The following YTHDF3 variants were observed in gnomAD, a reference collection of about 807,000 sequenced individuals.
YTHDF3 encodes YTH domain-containing family protein 3.
Under a neutral mutation model 52.5 loss-of-function variants are expected in YTHDF3, and 9 were observed. The ratio of observed to expected loss-of-function variants is 0.17; its 90% confidence interval spans 0.10 to 0.30. YTHDF3 has a LOEUF of 0.30. Among genes scored for constraint, YTHDF3 ranks in the 10% least tolerant of loss-of-function variants. YTHDF3 has a pLI of 1.00. For synonymous variants in YTHDF3, 274 were observed against 243.3 expected (o/e 1.13, Z -1.18); for missense variants, 534 against 715.0 (o/e 0.75, Z 2.89).
intron 4 of YTHDF3, among the ~76,000 whole-genome samples, chr8:63,195,334 G>A (rs1049862451): frequency 1.3e-5 from 2 of 152,168 alleles, no homozygotes; most frequent in Non-Finnish European, 2.9e-5. Flanking sequence ...AAACAAAATT[G>A]TGATTTGTGT....
intron 2 of YTHDF3, among the ~76,000 whole-genome samples, chr8:63,172,027 ATAAG>A (rs1350851563): frequency 3.3e-5 from 5 of 152,220 alleles, no homozygotes; most frequent in Non-Finnish European, 7.3e-5. Context: ...TTTTTGTAGA[ATAAG>A]TAATAATTCA....
intron 3 of YTHDF3, 144 bp downstream of exon 3, chr8:63,175,560 G>A: frequency 1.6e-6 from 1 of 617,072 alleles, no homozygotes. Context: ...GTAGTGAGTA[G>A]CAGTTGCAGA....
chr8:63,173,202 T>TTTTATATATATATATATATATA (rs1554533374), intron 2 of YTHDF3, among the ~76,000 whole-genome samples: 10 of 125,878 alleles, frequency 7.9e-5, no homozygotes, highest in African/African-American at 3.6e-4. Context: ...AGGATTATAT[T>TTTTATATATATATATATATATA]TATATATATA....
rs779643546 is a variant in YTHDF3 at position 63,175,343 on chromosome 8, A to G, written c.62A>G (p.Asn21Ser). 8.1e-6 allele frequency: 13 copies of G among 1,608,654 alleles called. No individual in the cohort carries two copies. The Admixed American group carries it at 2.0e-4, about 25-fold the overall frequency. ...KGQGNKVSVQ[N>S]GSIHQKDAVN... Reference sequence around the variant, plus strand: ...AACATTTTTTTAGTTTCAGTACAAAACGGTTCGATTCATCAAAAAGATGCT... The same window carrying G: ...AACATTTTTTTAGTTTCAGTACAAAGCGGTTCGATTCATCAAAAAGATGCT... The change falls in exon 3 of 5, where the codon AAC becomes AGC. Residue 21 changes from asparagine to serine, a missense_variant. By Grantham distance (46) the Asn-to-Ser change is conservative (BLOSUM62 1). Around this residue, in one of 3 missense-constraint regions of YTHDF3, gnomAD observed 196 missense variants for 299.5 expected, o/e 0.65. Transcript: ENST00000539294.
chr8:63,188,831 A>T (rs983746701), intron 4 of YTHDF3: 1 of 148,670 alleles, frequency 6.7e-6, no homozygotes. Context: ...CTCTTGCCTC[A>T]GCCTCCCGAG....
intron 1 of YTHDF3, 117 bp downstream of exon 1, chr8:63,169,018 G>T: frequency 3.4e-6 from 5 of 1,470,546 alleles, no homozygotes; most frequent in Non-Finnish European, 4.5e-6. Context: ...GGTGCCCCGG[G>T]CGCAAGTTGC....
chr8:63,201,389 A>G (rs1276026683), intron 4 of YTHDF3, among the ~76,000 whole-genome samples: 2 of 152,234 alleles, frequency 1.3e-5, no homozygotes, highest in African/African-American at 4.8e-5. Flanking sequence ...ATAAAAATTT[A>G]CATTGTGTTT....
intron 3 of YTHDF3, among the ~76,000 whole-genome samples, chr8:63,179,967 C>T (rs550634889): frequency 7.5e-5 from 11 of 145,918 alleles, no homozygotes; most frequent in South Asian, 2.2e-4. Flanking sequence ...GCTGGCCGGG[C>T]GGGGGGCTGA....
intron 4 of YTHDF3, among the ~76,000 whole-genome samples, chr8:63,207,616 A>G (rs184280551): frequency 4.3e-4 from 66 of 152,298 alleles, no homozygotes; most frequent in African/African-American, 1.4e-3. Flanking sequence ...TGATTCATTT[A>G]AAGTACATAG....
chr8:63,204,340 A>G (rs1486456778), intron 4 of YTHDF3, among the ~76,000 whole-genome samples: 1 of 151,116 alleles, frequency 6.6e-6, no homozygotes, highest in Non-Finnish European at 1.5e-5. Flanking sequence ...TCTTAGCTAC[A>G]AATTTTTTTG....
intron 4 of YTHDF3, among the ~76,000 whole-genome samples, chr8:63,202,610 C>T (rs1432897717): frequency 6.6e-6 from 1 of 151,888 alleles, no homozygotes; most frequent in African/African-American, 2.4e-5. Flanking sequence ...TACAGGTGCC[C>T]GCCACCACAC....
chr8:63,202,212 C>T (rs191541292), intron 4 of YTHDF3, among the ~76,000 whole-genome samples: 1 of 152,308 alleles, frequency 6.6e-6, no homozygotes, highest in Non-Finnish European at 1.5e-5. Context: ...ACCTCTCCAT[C>T]CCCAAAACAT....
intron 4 of YTHDF3, among the ~76,000 whole-genome samples, chr8:63,203,301 T>C (rs1478748162): frequency 6.6e-6 from 1 of 151,638 alleles, no homozygotes; most frequent in Non-Finnish European, 1.5e-5. Flanking sequence ...TGGGTGAAAT[T>C]TCAGTAACAC....
intron 3 of YTHDF3, among the ~76,000 whole-genome samples, chr8:63,178,613 C>T (rs1428409343): frequency 6.6e-6 from 1 of 152,132 alleles, no homozygotes; most frequent in African/African-American, 2.4e-5. Context: ...TTCTACCTCT[C>T]CTTTGTGGTA....
At chr8:63,188,778 G>A (rs1412553544) in intron 4 of YTHDF3, 4 of 134,720 alleles carry the variant, frequency 3.0e-5, no homozygotes, top group Non-Finnish European at 4.6e-5. Context: ...CAATGGAGTG[G>A]TCTTGGCTCA....
intron 2 of YTHDF3, among the ~76,000 whole-genome samples, chr8:63,172,110 T>C (rs959741439): frequency 6.6e-6 from 1 of 152,232 alleles, no homozygotes; most frequent in African/African-American, 2.4e-5. Flanking sequence ...ATATCAGAAC[T>C]CTTTATTATC....
intron 3 of YTHDF3, among the ~76,000 whole-genome samples, chr8:63,182,407 A>G (rs1042945068): frequency 4.6e-5 from 7 of 151,942 alleles, no homozygotes; most frequent in African/African-American, 1.5e-4. Context: ...GCTAAAAGAA[A>G]AAAACCCAAA....
intron 3 of YTHDF3, among the ~76,000 whole-genome samples, chr8:63,178,769 G>A (rs545442255): frequency 1.3e-5 from 2 of 152,292 alleles, no homozygotes; most frequent in South Asian, 4.1e-4. Flanking sequence ...TTAAAGGTAA[G>A]TCGTATGAGA....
At chr8:63,208,059 T>C (rs906914760) in intron 4 of YTHDF3, among the ~76,000 whole-genome samples, 2 of 152,178 alleles carry the variant, frequency 1.3e-5, no homozygotes, top group African/African-American at 4.8e-5. Context: ...GGTGGGATTT[T>C]TGTTTTTGTT....
Sources: gnomAD v4.1 joint callset for allele counts (sites outside exome capture counted in the v4.1 genomes callset) on GRCh38, gnomAD v4.1.1 for gene constraint, gnomAD v4.1.1 regional missense constraint, MANE v1.5 for transcripts, NCBI Gene and HGNC (gene_info 2026-07-23, HGNC 2026-07-21) for gene names.